Variants in NAA25 observed in about 807,000 individuals in gnomAD.
The protein encoded by NAA25 is N-alpha-acetyltransferase 25, NatB auxiliary subunit, also known as N-terminal acetyltransferase B complex subunit NAA25.
NAA25 carries 30 observed loss-of-function variants against 132.5 expected under a neutral mutation model. The ratio of observed to expected loss-of-function variants is 0.23; its 90% CI spans 0.17 to 0.31. NAA25 has a LOEUF of 0.31. NAA25 is among the 10% of genes least tolerant of loss of function. NAA25 has a pLI of 1.00. For synonymous variants in NAA25, 359 were observed against 401.9 expected, an observed-to-expected ratio of 0.89 and a Z score of 1.28; for missense variants, 771 against 1,150.4, an observed-to-expected ratio of 0.67 and a Z score of 4.77.
chr12:112,086,073 T>TATATACAC lies in NAA25; in HGVS notation c.402+1609_402+1610insGTGTATAT, dbSNP rs759148501. ...AAAAATATATATATATATATATATA[T>TATATACAC]ACACACACACACACACACACACACA... On this transcript the variant is annotated intron_variant, in intron 4 of 23. Transcript: ENST00000261745. 3.6e-3 allele frequency among the ~76,000 whole-genome samples: 195 copies of TATATACAC among 53,772 alleles called. 1 individual carries two copies. Among genetic ancestry groups the TATATACAC allele is most frequent in the Middle Eastern group, 0.017 (1 of 60 alleles). The allele number at this position is 53,772 out of a possible 152,430, so 35.3% of individuals were successfully genotyped here. A position where few individuals can be genotyped will look rare whatever the true frequency, so the allele number is the denominator to read the frequency against.
At chr12:112,053,470 A>G (rs2078496232) in intron 15 of NAA25, 88 bp downstream of exon 15, 2 of 962,296 alleles carry the variant, frequency 2.1e-6, no homozygotes, top group Admixed American at 2.0e-5. Context: ...GCACCTTAAC[A>G]TGTGTACTTG....
intron 13 of NAA25, among the ~76,000 whole-genome samples, chr12:112,055,461 G>T (rs1476497549): frequency 6.6e-6 from 1 of 152,174 alleles, no homozygotes; most frequent in African/African-American, 2.4e-5. Flanking sequence ...TTGGGAAGCT[G>T]AGGTGGGAGG....
chr12:112,103,450 TG>T (rs1177070498), intron 1 of NAA25, among the ~76,000 whole-genome samples: 1 of 152,198 alleles, frequency 6.6e-6, no homozygotes, highest in Admixed American at 6.5e-5. Flanking sequence ...CCAATGGTGA[TG>T]GAAGTTCTAG....
At position 112,049,585 on chromosome 12, in the gene NAA25, C is replaced by T; in HGVS notation, c.1729-1142G>A. The T allele has an allele frequency of 3.0e-6, 3 of 985,832 alleles. No homozygotes were observed. Among genetic ancestry groups the T allele is most frequent in the Non-Finnish European group, 3.6e-6 (3 of 829,944 alleles). The allele number at this position is 985,832 out of a possible 1,614,324, so 61.1% of individuals were successfully genotyped here. A position where few individuals can be genotyped will look rare whatever the true frequency, so the allele number is the denominator to read the frequency against. On this transcript the variant is annotated intron_variant, in intron 15 of 23. Transcript: ENST00000261745. The surrounding 1 kb of genome is among the most constrained non-coding windows in gnomAD (Gnocchi z 4.7). Reference sequence around the variant, plus strand: ...GCGGCTTTTAAACCCCCATGGGACACCTCGGCGAGCTGTTTGCCTGCAGTA... The same window carrying T: ...GCGGCTTTTAAACCCCCATGGGACATCTCGGCGAGCTGTTTGCCTGCAGTA...
chr12:112,030,939 T>TA (rs2078140894), intron 23 of NAA25, among the ~76,000 whole-genome samples: 1 of 129,038 alleles, frequency 7.7e-6, no homozygotes, highest in East Asian at 3.7e-4. Context: ...AAAACTGAAT[T>TA]TAAAATTTTT....
chr12:112,104,830 C>T (rs1305226989), intron 1 of NAA25, among the ~76,000 whole-genome samples: 1 of 134,616 alleles, frequency 7.4e-6, no homozygotes, highest in Non-Finnish European at 1.7e-5. Flanking sequence ...AGTGAGACTC[C>T]ATCTCAAAAA....
intron 5 of NAA25, among the ~76,000 whole-genome samples, chr12:112,078,965 C>T (rs1254539903): frequency 6.6e-6 from 1 of 152,128 alleles, no homozygotes; most frequent in African/African-American, 2.4e-5. Context: ...TGAGCTTCCA[C>T]AATACAACCT....
At chr12:112,069,102 G>A in intron 10 of NAA25, 110 bp from the exon 11 acceptor site, 1 of 662,360 alleles carries the variant, frequency 1.5e-6, no homozygotes, top group Non-Finnish European at 2.6e-6. Context: ...AATTTTGCTT[G>A]CAACTGGTCC....
chr12:112,060,437 A>G (rs2078610759), intron 12 of NAA25, 78 bp from the exon 13 acceptor site: 1 of 922,680 alleles, frequency 1.1e-6, no homozygotes, highest in Non-Finnish European at 1.7e-6. Flanking sequence ...TAAAAGCAGG[A>G]AAGTGACAGG....
chr12:112,030,308 GA>G (rs1211619783), intron 23 of NAA25, among the ~76,000 whole-genome samples: 1 of 151,014 alleles, frequency 6.6e-6, no homozygotes, highest in Non-Finnish European at 1.5e-5. Flanking sequence ...GACTAGTTTG[GA>G]CATAAAATCC....
At position 112,049,369 on chromosome 12, in the gene NAA25, T is replaced by C. The variant is rs1566004407; in HGVS notation, c.1729-926A>G. The C allele has an allele frequency of 1.2e-6, 1 of 850,538 alleles. No homozygotes were observed. The allele number at this position is 850,538 out of a possible 1,614,324, so 52.7% of individuals were successfully genotyped here. A position where few individuals can be genotyped will look rare whatever the true frequency, so the allele number is the denominator to read the frequency against. On this transcript the variant is annotated intron_variant, in intron 15 of 23. Transcript: ENST00000261745. The surrounding 1 kb of genome is among the most constrained non-coding windows in gnomAD (Gnocchi z 4.7). ...TGATGTCTGCCCCCAAAAAAGATCC[T>C]TTCTAGAAAAAACAGTCTTTTTACA...
chr12:112,040,758 G>A (rs538676633), intron 20 of NAA25, among the ~76,000 whole-genome samples, 180 bp from the exon 21 acceptor site: 2 of 152,204 alleles, frequency 1.3e-5, no homozygotes, highest in East Asian at 3.9e-4. Context: ...TCTTTAAAAA[G>A]CCATGCTGTT....
chr12:112,036,840 CAA>C (rs1160066916), intron 22 of NAA25, among the ~76,000 whole-genome samples: 29 of 95,374 alleles, frequency 3.0e-4, no homozygotes, highest in Admixed American at 4.6e-4. Flanking sequence ...GACTCCATCT[CAA>C]AAAAAAAAAA....
chr12:112,071,240 T>C (rs1481387171), intron 10 of NAA25, among the ~76,000 whole-genome samples: 1 of 152,204 alleles, frequency 6.6e-6, no homozygotes, highest in African/African-American at 2.4e-5. Flanking sequence ...AGGCTGGTCT[T>C]GAACTCCTGA....
intron 19 of NAA25, 61 bp from the exon 20 acceptor site, chr12:112,042,165 C>G (rs1489353138): frequency 1.2e-6 from 1 of 815,504 alleles, no homozygotes; most frequent in Non-Finnish European, 1.8e-6. Flanking sequence ...GATAAAGAAG[C>G]AAGATAAATA....
intron 10 of NAA25, among the ~76,000 whole-genome samples, chr12:112,071,372 C>T (rs769823010): frequency 1.7e-4 from 26 of 152,100 alleles, no homozygotes; most frequent in African/African-American, 6.3e-4. Context: ...CTGGCTGTGT[C>T]GCTCAGGCTG....
intron 15 of NAA25, among the ~76,000 whole-genome samples, chr12:112,050,358 T>C (rs918150203): frequency 1.3e-5 from 2 of 152,178 alleles, no homozygotes; most frequent in Non-Finnish European, 2.9e-5. Flanking sequence ...TCCGTACCTA[T>C]TTTCTACTCA....
intron 7 of NAA25, among the ~76,000 whole-genome samples, chr12:112,076,163 G>A (rs921263639): frequency 5.3e-5 from 8 of 152,108 alleles, no homozygotes; most frequent in African/African-American, 1.9e-4. Context: ...GATTACAGCT[G>A]TGAGCTACCG....
intron 22 of NAA25, among the ~76,000 whole-genome samples, chr12:112,038,898 G>A (rs560669173): frequency 6.6e-6 from 1 of 152,270 alleles, no homozygotes; most frequent in African/African-American, 2.4e-5. Flanking sequence ...AGAATCACTC[G>A]AACCCAGGGG....
Sources: allele counts gnomAD v4.1 joint callset (sites outside exome capture counted in the v4.1 genomes callset), GRCh38; gene constraint gnomAD v4.1.1; non-coding constraint Gnocchi (gnomAD v3.1); transcripts MANE v1.5; gene names NCBI Gene and HGNC (gene_info 2026-07-23, HGNC 2026-07-21).